TMTC3: variants seen among roughly 807,000 people sequenced by gnomAD.
The protein encoded by TMTC3 is transmembrane O-mannosyltransferase targeting cadherins 3, also known as protein O-mannosyl-transferase TMTC3.
In TMTC3, 52 loss-of-function variants were observed where a neutral mutation model predicts 92.2. The observed-to-expected ratio is 0.56, with a 90% CI of 0.45 to 0.71. The LOEUF is 0.71. Among genes scored for constraint, TMTC3 ranks in the 30% least tolerant of loss-of-function variants. The pLI is 0.00. For missense variants in TMTC3, 896 were observed against 1,057.1 expected (o/e 0.85, Z 2.11); for synonymous variants, 339 against 363.3 (o/e 0.93, Z 0.76).
At chr12:88,180,940 A>G (rs553700604) in intron 10 of TMTC3, among the ~76,000 whole-genome samples, 1 of 152,344 alleles carries the variant, frequency 6.6e-6, no homozygotes, top group African/African-American at 2.4e-5. Flanking sequence ...TTAAGGGTAA[A>G]TAAGGCTTGT....
At position 88,198,227 on chromosome 12, in the gene TMTC3, G is replaced by A. The variant is rs1470568821; in HGVS notation, c.*2578G>A. 2.5e-6 allele frequency: 1 copy of A among 395,908 alleles called. No individual in the cohort carries two copies. Among genetic ancestry groups the A allele is most frequent in the Non-Finnish European group, 4.4e-6 (1 of 224,720 alleles). The allele number at this position is 395,908 out of a possible 1,614,324, so 24.5% of individuals were successfully genotyped here. ...ATTTTTTTTTTTTTCCTCTGGAGCT[G>A]CCTGTTCAGTGAGATGGAGGAGGTG... is the stretch of plus-strand genomic sequence containing the variant. On this transcript the variant is annotated 3_prime_UTR_variant, in exon 14 of 14. Coordinates refer to ENST00000266712, the MANE Select transcript of TMTC3 (RefSeq NM_181783.4).
At chr12:88,170,205 C>T (rs529159354) in intron 7 of TMTC3, among the ~76,000 whole-genome samples, 1 of 152,218 alleles carries the variant, frequency 6.6e-6, no homozygotes, top group African/African-American at 2.4e-5. Flanking sequence ...TATCCCAGAA[C>T]CTATAGATTT....
intron 6 of TMTC3, among the ~76,000 whole-genome samples, chr12:88,164,944 T>C (rs1168678853): frequency 6.6e-6 from 1 of 152,164 alleles, no homozygotes; most frequent in Non-Finnish European, 1.5e-5. Context: ...CTTGTGCAGA[T>C]ATTACAGTAT....
rs908470654 is a variant in TMTC3, at chr12:88,194,916, A to G, written c.2012A>G (p.Tyr671Cys). 2 of 1,613,792 alleles carry G rather than the reference A, an allele frequency of 1.2e-6. No homozygotes were observed. The highest frequency in any genetic ancestry group is 1.3e-5 in the African/African-American group (1 of 75,026). ...INEEPLDANG[Y>C]FNLGMLAMDD... ...GAAGAGCCACTAGATGCTAATGGGT[A>G]TTTCAATTTGGGAATGCTTGCCATG... The change falls in exon 14 of 14, where the codon TAT (tyrosine) becomes TGT (cysteine). Residue 671 changes from tyrosine (Y) to cysteine (C), a missense_variant. Physicochemically the swap from Tyr to Cys is radical, Grantham distance 194. Transcript: ENST00000266712.
intron 4 of TMTC3, among the ~76,000 whole-genome samples, chr12:88,159,222 G>C (rs537363608): frequency 1.3e-5 from 2 of 152,146 alleles, no homozygotes; most frequent in Admixed American, 1.3e-4. Context: ...AACTTTCACA[G>C]TTCATTACTC....
intron 10 of TMTC3, among the ~76,000 whole-genome samples, chr12:88,188,159 T>C (rs1316830805): frequency 6.6e-6 from 1 of 152,192 alleles, no homozygotes; most frequent in African/African-American, 2.4e-5. Context: ...GTAATACTAT[T>C]ATCATTATGT....
intron 2 of TMTC3, among the ~76,000 whole-genome samples, chr12:88,152,627 T>C (rs2040956757): frequency 6.6e-6 from 1 of 152,176 alleles, no homozygotes; most frequent in African/African-American, 2.4e-5. Context: ...AAATGTAACT[T>C]ATAATTTAAA....
rs138131028 is a variant in TMTC3 at position 88,187,794 on chromosome 12, A to G, written c.1433-1049A>G. The stretch of plus-strand genomic sequence containing the variant: ...ACAATTGCAAAATAATTGGTATCAC[A>G]AGGCAAGTAGTAATCATAATGAACC... On this transcript the variant is annotated intron_variant, in intron 10 of 13. Coordinates refer to ENST00000266712, the MANE Select transcript of TMTC3 (RefSeq NM_181783.4). Among the ~76,000 whole-genome samples the G allele has an allele frequency of 1.6e-4, 25 of 152,312 alleles. No individual in the cohort carries two copies. In the East Asian group the frequency reaches 4.8e-3, roughly 29 times the overall value.
chr12:88,185,586 C>T (rs1439910760), intron 10 of TMTC3, among the ~76,000 whole-genome samples: 2 of 152,054 alleles, frequency 1.3e-5, no homozygotes, highest in Middle Eastern at 3.2e-3. Context: ...TTTCATTTCT[C>T]TTAGGTAAAA....
At chr12:88,155,967 A>G (rs2468232) in intron 4 of TMTC3, among the ~76,000 whole-genome samples, 134,019 of 152,098 alleles carry the variant, frequency 0.88, 59,946 homozygotes, top group East Asian at 0.99. Flanking sequence ...AAAATTAGCC[A>G]GGCGTAGTGG....
rs778537565 is a variant in TMTC3, at chr12:88,160,855, T to G, written c.797+4T>G. Reference sequence around the variant, plus strand: ...CCCAACTTCCAGTATTCACCAGGTATGAAATTCTGGTTCTTTGTTTTCTCC... The same window carrying G: ...CCCAACTTCCAGTATTCACCAGGTAGGAAATTCTGGTTCTTTGTTTTCTCC... On this transcript the variant is annotated splice_donor_region_variant and intron_variant, in intron 6 of 13. Transcript: ENST00000266712. 2 of 1,576,942 alleles carry G rather than the reference T, an allele frequency of 1.3e-6. No individual in the cohort carries two copies. The highest frequency in any genetic ancestry group is 2.4e-5 in the South Asian group (2 of 83,840).
rs148584616 is a variant in TMTC3, at chr12:88,146,988, A to G, written c.-28-1300A>G. On this transcript the variant is annotated intron_variant, in intron 1 of 13. Transcript: ENST00000266712. ...AATATATCAAAGTCTCCAGGATGTC[A>G]GATTCTCTTAAAGGTTGCAGTTACT... Among the ~76,000 whole-genome samples, 172 of 150,454 alleles carry G rather than the reference A, an allele frequency of 1.1e-3. 5 individuals are homozygous for G. In the East Asian group the frequency reaches 0.032, roughly 28 times the overall value.
At chr12:88,144,231 TC>T (rs2040843641) in intron 1 of TMTC3, among the ~76,000 whole-genome samples, 1 of 152,176 alleles carries the variant, frequency 6.6e-6, no homozygotes, top group African/African-American at 2.4e-5. Context: ...CCAGTAGGTC[TC>T]ACCCTTATTT....
At chr12:88,154,535 A>G in intron 4 of TMTC3, 148 bp downstream of exon 4, 1 of 491,190 alleles carries the variant, frequency 2.0e-6, no homozygotes, top group Non-Finnish European at 3.5e-6. Context: ...ATGTGAAAAT[A>G]TGAAATATGT....
Position 88,197,475 on chromosome 12 carries a change from A to G in TMTC3, c.*1826A>G, listed in dbSNP as rs1028084881. On this transcript the variant is annotated 3_prime_UTR_variant, in exon 14 of 14. Transcript: ENST00000266712. ...TAAAATTCTTAGGCTCTCTCCATGT[A>G]TCTTTCTTAAGGAAAAGTTTCTGAG... is the stretch of plus-strand genomic sequence containing the variant. The G allele has an allele frequency of 1.3e-5, 2 of 152,190 alleles. No homozygotes were observed. Among genetic ancestry groups the G allele is most frequent in the Non-Finnish European group, 2.9e-5 (2 of 67,818 alleles). The allele number at this position is 152,190 out of a possible 1,614,324, so 9.4% of individuals were successfully genotyped here.
At position 88,174,759 on chromosome 12, in the gene TMTC3, T is replaced by C. The variant is rs745591762; in HGVS notation, c.1320+32T>C. 38 of 1,608,456 alleles carry C rather than the reference T, an allele frequency of 2.4e-5. No individual in the cohort carries two copies. In the East Asian group the frequency reaches 7.4e-4, roughly 31 times the overall value. On this transcript the variant is annotated intron_variant, in intron 9 of 13. Transcript: ENST00000266712. Reference sequence around the variant, plus strand: ...TGTTGTTCAGAATGACAGGAAAGTATGTCATCAGTGATTTCTTGGAACAAT... The same window carrying C: ...TGTTGTTCAGAATGACAGGAAAGTACGTCATCAGTGATTTCTTGGAACAAT...
intron 7 of TMTC3, among the ~76,000 whole-genome samples, chr12:88,167,528 A>G (rs1478509711): frequency 2.0e-5 from 3 of 152,224 alleles, no homozygotes; most frequent in African/African-American, 7.2e-5. Context: ...TAGCTGCTAG[A>G]TTGATTTATT....
rs1438914808 is a variant in TMTC3, at chr12:88,192,633, C to T, written c.1736C>T (p.Pro579Leu). The T allele has an allele frequency of 1.2e-6, 2 of 1,608,942 alleles. No individual in the cohort carries two copies. The highest frequency in any genetic ancestry group is 1.3e-5 in the African/African-American group (1 of 74,900). ...RGELLLKMNK[P>L]LKAKEAYLKA... Reference sequence around the variant, plus strand: ...GAATTGCTTTTAAAAATGAATAAACCTCTTAAAGCAAAGGAAGCATATCTT... The same window carrying T: ...GAATTGCTTTTAAAAATGAATAAACTTCTTAAAGCAAAGGAAGCATATCTT... The change falls in exon 13 of 14, where the codon CCT (proline) becomes CTT (leucine). Residue 579 changes from proline (P) to leucine (L), a missense_variant. Coordinates refer to ENST00000266712, the MANE Select transcript of TMTC3 (RefSeq NM_181783.4).
intron 1 of TMTC3, among the ~76,000 whole-genome samples, chr12:88,142,896 G>C (rs2040770710): frequency 1.3e-5 from 2 of 152,112 alleles, no homozygotes; most frequent in African/African-American, 4.8e-5. Flanking sequence ...GTTAGTACTT[G>C]TCCGGACCAC....
Sources: gnomAD v4.1 joint callset for allele counts (sites outside exome capture counted in the v4.1 genomes callset) on GRCh38, gnomAD v4.1.1 for gene constraint, MANE v1.5 for transcripts, NCBI Gene and HGNC (gene_info 2026-07-23, HGNC 2026-07-21) for gene names.